CNTFR: variants seen among roughly 807,000 people sequenced by gnomAD.
CNTFR encodes the protein ciliary neurotrophic factor receptor, also known as ciliary neurotrophic factor receptor subunit alpha.
A neutral mutation model predicts 40.4 loss-of-function variants in CNTFR; 12 were observed. That is an observed-to-expected ratio of 0.30 (90% confidence interval 0.19 to 0.48). CNTFR has a LOEUF of 0.48. Ranked by LOEUF, CNTFR falls within the 20% of genes least tolerant of loss-of-function variation. The probability of loss-of-function intolerance (pLI) is 0.99; values close to 1 mark genes in which losing one functional copy is unlikely to be tolerated. For missense variants in CNTFR, 414 were observed against 506.8 expected (o/e 0.82, Z 1.76); for synonymous variants, 202 against 209.6 (o/e 0.96, Z 0.31).
chr9:34,567,304 G>C (rs972836677), intron 3 of CNTFR, among the ~76,000 whole-genome samples: 1 of 152,140 alleles, frequency 6.6e-6, no homozygotes, highest in Non-Finnish European at 1.5e-5. Context: ...GAACACAGAG[G>C]GACAGAGCTG....
rs180936314 is a variant in CNTFR at position 34,564,940 on chromosome 9, G to T, written c.86-108C>A. 1,527 of 860,086 alleles carry T rather than the reference G, an allele frequency of 1.8e-3. 30 individuals are homozygous for T. In the Admixed American group the frequency reaches 0.027, roughly 15 times the overall value. The allele number at this position is 860,086 out of a possible 1,614,324, so 53.3% of individuals were successfully genotyped here. A position where few individuals can be genotyped will look rare whatever the true frequency, so the allele number is the denominator to read the frequency against. Reference sequence around the variant, plus strand: ...CCTGTGAGGATGGATGAGTGAGGACGAGAGGCTCGGTGTCTGTGTGAGTGT... The same window carrying T: ...CCTGTGAGGATGGATGAGTGAGGACTAGAGGCTCGGTGTCTGTGTGAGTGT... On this transcript the variant is annotated intron_variant, in intron 3 of 9. Coordinates refer to ENST00000378980, the MANE Select transcript of CNTFR (RefSeq NM_147164.3).
intron 3 of CNTFR, among the ~76,000 whole-genome samples, chr9:34,565,798 A>T (rs1340688959): frequency 3.3e-5 from 5 of 152,154 alleles, no homozygotes. Flanking sequence ...TTTAAGATGC[A>T]GGCACACAGA....
At chr9:34,574,918 G>A (rs1418987041) in intron 2 of CNTFR, among the ~76,000 whole-genome samples, 2 of 152,218 alleles carry the variant, frequency 1.3e-5, no homozygotes, top group African/African-American at 4.8e-5. Flanking sequence ...GAGGCATCCT[G>A]GGGAGAGAGG....
chr9:34,558,127 G>A (rs980360695), intron 4 of CNTFR, 143 bp from the exon 5 acceptor site: 18 of 547,832 alleles, frequency 3.3e-5, no homozygotes, highest in Non-Finnish European at 4.3e-5. Flanking sequence ...GGCTGTCAGC[G>A]AGGGTCTGAG....
rs1293307339 is a variant in CNTFR, at chr9:34,564,663, G to T, written c.255C>A (p.Gly85=). 4 of 1,613,736 alleles carry T rather than the reference G, an allele frequency of 2.5e-6. No homozygotes were observed. The highest frequency in any genetic ancestry group is 1.6e-4 in the Middle Eastern group (1 of 6,082). The change falls in exon 4 of 10, where the codon GGC becomes GGA. Residue 85 remains glycine (G), a synonymous_variant. Transcript: ENST00000378980. ...VLHGLELGHS[G]LYACFHRDSW... is the part of the protein sequence containing the mutation. ...AGTCACGGTGGAAGCAGGCGTAGAG[G>T]CCACTGTGGCCCAGTTCCAGGCCAT...
intron 1 of CNTFR, among the ~76,000 whole-genome samples, chr9:34,584,407 G>A (rs942904270): frequency 1.1e-4 from 17 of 152,202 alleles, no homozygotes; most frequent in Admixed American, 9.8e-4. Flanking sequence ...CGTTGGATGT[G>A]TGTTTCTTCC....
At chr9:34,578,727 C>T (rs1158987557) in intron 2 of CNTFR, among the ~76,000 whole-genome samples, 1 of 152,234 alleles carries the variant, frequency 6.6e-6, no homozygotes, top group East Asian at 1.9e-4. Context: ...AAAGCAGGAA[C>T]TTCAGCCAGC....
At position 34,564,651 on chromosome 9, in the gene CNTFR, G is replaced by A. The variant is rs1826204359; in HGVS notation, c.267C>T (p.Cys89=). 6 of 1,613,686 alleles carry A rather than the reference G, an allele frequency of 3.7e-6. No homozygotes were observed. Among genetic ancestry groups the A allele is most frequent in the Non-Finnish European group, 5.1e-6 (6 of 1,179,850 alleles). The change falls in exon 4 of 10, where the codon TGC becomes TGT. Residue 89 remains cysteine (C), a synonymous_variant. Transcript: ENST00000378980. The part of the protein sequence containing the change: ...LELGHSGLYA[C]FHRDSWHLRH... ...GCAGGTGCCAGGAGTCACGGTGGAA[G>A]CAGGCGTAGAGGCCACTGTGGCCCA...
Position 34,551,806 on chromosome 9 carries a change from G to A in CNTFR, c.*265C>T. On this transcript the variant is annotated 3_prime_UTR_variant, in exon 10 of 10. Coordinates refer to ENST00000378980, the MANE Select transcript of CNTFR (RefSeq NM_147164.3). ...GGAGTCGCTGGCATTGGAGGGTCCAGCCCAAGGGGCCAGGGTGAGGGGGTC... is the reference window on the plus strand; with the variant it reads ...GGAGTCGCTGGCATTGGAGGGTCCAACCCAAGGGGCCAGGGTGAGGGGGTC... 1.6e-6 allele frequency: 1 copy of A among 614,152 alleles called. No individual in the cohort carries two copies. The highest frequency in any genetic ancestry group is 2.9e-6 in the Non-Finnish European group (1 of 344,292). The allele number at this position is 614,152 out of a possible 1,614,324, so 38.0% of individuals were successfully genotyped here. A position where few individuals can be genotyped will look rare whatever the true frequency, so the allele number is the denominator to read the frequency against.
At chr9:34,564,117 G>GCTTCCCACTCCAGGATGCCTTCCTC (rs1826182910) in intron 4 of CNTFR, among the ~76,000 whole-genome samples, 1 of 152,090 alleles carries the variant, frequency 6.6e-6, no homozygotes, top group Non-Finnish European at 1.5e-5. Context: ...GTCTCCATTC[G>GCTTCCCACTCCAGGATGCCTTCCTC]CTTCCCACTC....
chr9:34,562,351 T>A (rs888104837), intron 4 of CNTFR, among the ~76,000 whole-genome samples: 1 of 152,218 alleles, frequency 6.6e-6, no homozygotes, highest in Admixed American at 6.5e-5. Flanking sequence ...CCAACAGGGG[T>A]CACTCCACCC....
intron 1 of CNTFR, among the ~76,000 whole-genome samples, chr9:34,581,722 C>T (rs1037056955): frequency 2.6e-5 from 4 of 152,196 alleles, no homozygotes; most frequent in African/African-American, 4.8e-5. Context: ...TTGTTCTTCA[C>T]ATTTGATAAC....
intron 1 of CNTFR, among the ~76,000 whole-genome samples, chr9:34,585,711 T>C (rs1005774358): frequency 6.6e-5 from 10 of 152,228 alleles, no homozygotes; most frequent in African/African-American, 2.2e-4. Context: ...CTGAGAGCCC[T>C]TGTGGGTTTG....
chr9:34,577,267 G>A (rs1827021912), intron 2 of CNTFR, among the ~76,000 whole-genome samples: 2 of 152,226 alleles, frequency 1.3e-5, no homozygotes, highest in African/African-American at 4.8e-5. Flanking sequence ...AGGTGTAGCT[G>A]GGGCCCTGAT....
At position 34,557,698 on chromosome 9, in the gene CNTFR, G is replaced by A. The variant is rs1402982926; in HGVS notation, c.438-6C>T. Reference sequence around the variant, plus strand: ...CCATAATTTTGGAGCCATGCCTGGGGAGAGGTGAGACCCAGGCACTGTTAC... The same window carrying A: ...CCATAATTTTGGAGCCATGCCTGGGAAGAGGTGAGACCCAGGCACTGTTAC... On this transcript the variant is annotated splice_polypyrimidine_tract_variant and splice_region_variant and intron_variant, in intron 5 of 9. Coordinates refer to ENST00000378980, the MANE Select transcript of CNTFR (RefSeq NM_147164.3). The surrounding 1 kb of genome is among the most constrained non-coding windows in gnomAD (Gnocchi z 4.2). 2 of 1,614,126 alleles carry A rather than the reference G, an allele frequency of 1.2e-6. No individual in the cohort carries two copies. The highest frequency in any genetic ancestry group is 1.7e-5 in the Admixed American group (1 of 60,022).
In CNTFR at chr9:34,552,818, C is replaced by G. The variant is rs1300583267; in HGVS notation, c.805G>C (p.Asp269His). 6.2e-7 allele frequency: 1 copy of G among 1,613,474 alleles called. No individual in the cohort carries two copies. Among genetic ancestry groups the G allele is most frequent in the East Asian group, 2.2e-5 (1 of 44,882 alleles). The change falls in exon 8 of 10, where the codon GAT becomes CAT. Residue 269 changes from aspartate (D) to histidine (H), a missense_variant. Physicochemically the swap from Asp to His is moderately conservative, Grantham distance 81. Around this residue, in one of 3 missense-constraint regions of CNTFR, gnomAD observed 83 missense variants for 145.0 expected, o/e 0.57. Transcript: ENST00000378980. This position sits in a 1 kb window ranked among gnomAD's most constrained non-coding sequence, Gnocchi z 5.1. ...LSDGTAHTIT[D>H]AYAGKEYIIQ... Reference sequence around the variant, plus strand: ...ATGTACTCCTTCCCGGCGTAGGCATCTGTGATGGTGTGTGCTGTGCCGTCG... The same window carrying G: ...ATGTACTCCTTCCCGGCGTAGGCATGTGTGATGGTGTGTGCTGTGCCGTCG...
At chr9:34,577,184 C>T (rs1226464676) in intron 2 of CNTFR, among the ~76,000 whole-genome samples, 1 of 152,188 alleles carries the variant, frequency 6.6e-6, no homozygotes, top group Non-Finnish European at 1.5e-5. Flanking sequence ...GAATGGAATC[C>T]AGGCTGTGCT....
Position 34,552,233 on chromosome 9 carries a change from G to A in CNTFR, c.1046C>T (p.Pro349Leu), listed in dbSNP as rs1396572398. The change falls in exon 9 of 10, where the codon CCC becomes CTC. Residue 349 changes from proline to leucine, a missense_variant. Around this residue, in one of 3 missense-constraint regions of CNTFR, gnomAD observed 81 missense variants for 92.2 expected, o/e 0.88. Transcript: ENST00000378980. This position sits in a 1 kb window ranked among gnomAD's most constrained non-coding sequence, Gnocchi z 5.1. The part of the protein sequence containing the change: ...ELGSGGGPSA[P>L]FLVSVPITLA... ...AGTGATGGGGACGCTGACCAAGAAGGGTGCCGAGGGTCCCCCGCCGCTGCC... is the reference window on the plus strand; with the variant it reads ...AGTGATGGGGACGCTGACCAAGAAGAGTGCCGAGGGTCCCCCGCCGCTGCC... The A allele has an allele frequency of 2.6e-6, 4 of 1,560,370 alleles. No homozygotes were observed. The highest frequency in any genetic ancestry group is 3.5e-6 in the Non-Finnish European group (4 of 1,153,102).
rs549094484 is a variant in CNTFR at position 34,557,423 on chromosome 9, C to T, written c.604+103G>A. 1 of 1,286,232 alleles carries T rather than the reference C, an allele frequency of 7.8e-7. No individual in the cohort carries two copies. The highest frequency in any genetic ancestry group is 1.5e-5 in the African/African-American group (1 of 68,452). The allele number at this position is 1,286,232 out of a possible 1,614,324, so 79.7% of individuals were successfully genotyped here. A position where few individuals can be genotyped will look rare whatever the true frequency, so the allele number is the denominator to read the frequency against. ...ATACCTGTGCAGAGGCATGTACATGCCATGTATACATGTGCATGCATGTGG... is the reference window on the plus strand; with the variant it reads ...ATACCTGTGCAGAGGCATGTACATGTCATGTATACATGTGCATGCATGTGG... On this transcript the variant is annotated intron_variant, in intron 6 of 9. Transcript: ENST00000378980. This position sits in a 1 kb window ranked among gnomAD's most constrained non-coding sequence, Gnocchi z 4.2.
Sources: allele counts gnomAD v4.1 joint callset (sites outside exome capture counted in the v4.1 genomes callset), GRCh38; gene constraint gnomAD v4.1.1; regional missense constraint gnomAD v4.1.1; non-coding constraint Gnocchi (gnomAD v3.1); transcripts MANE v1.5; gene names NCBI Gene and HGNC (gene_info 2026-07-23, HGNC 2026-07-21).